The following GRK4 variants were observed in gnomAD, a reference collection of about 807,000 sequenced individuals.
The protein encoded by GRK4 is G protein-coupled receptor kinase 2-like.
A neutral mutation model predicts 77.9 loss-of-function variants in GRK4; 73 were observed. That is an observed-to-expected ratio of 0.94 (90% CI 0.78 to 1.14). The LOEUF is 1.14. Ranked by LOEUF, GRK4 falls within the 50% of genes most tolerant of loss-of-function variation. The probability of loss-of-function intolerance (pLI) is 0.00; values close to 1 mark genes in which losing one functional copy is unlikely to be tolerated. For synonymous variants in GRK4, 257 were observed against 254.4 expected (o/e 1.01, Z -0.10); for missense variants, 729 against 700.2 (o/e 1.04, Z -0.46).
chr4:3,019,853 G>A, intron 9 of GRK4, 22 bp downstream of exon 9: 1 of 1,588,790 alleles, frequency 6.3e-7, no homozygotes, highest in Non-Finnish European at 8.6e-7. Flanking sequence ...GCTACCTAAT[G>A]GAGCCTGCAA....
chr4:3,035,610 TG>T (rs34151041), intron 13 of GRK4, 87 bp downstream of exon 13: 5 of 1,432,100 alleles, frequency 3.5e-6, no homozygotes, highest in South Asian at 1.4e-5. Flanking sequence ...AAAATAGAGA[TG>T]GGGGGTCTCA....
chr4:3,030,638 C>CTCTA (rs1403638643), intron 12 of GRK4, among the ~76,000 whole-genome samples: 2 of 151,530 alleles, frequency 1.3e-5, no homozygotes, highest in Non-Finnish European at 2.9e-5. Flanking sequence ...GGGCGGCAGG[C>CTCTA]TCTAGGGGGT....
rs533646986 is a variant in GRK4, at chr4:3,001,263, A to ATGTG, written c.340-2964_340-2961dup. On this transcript the variant is annotated intron_variant, in intron 4 of 15. Coordinates refer to ENST00000398052, the MANE Select transcript of GRK4 (RefSeq NM_182982.3). Reference sequence around the variant, plus strand: ...TATATATATACATATATGTATATATATGTGTGTATGTATGTATGTATACAC... The same window carrying ATGTG: ...TATATATATACATATATGTATATATATGTGTGTGTGTATGTATGTATGTATACAC... 3.3e-3 allele frequency among the ~76,000 whole-genome samples: 313 copies of ATGTG among 95,034 alleles called. 30 individuals carry two copies. The highest frequency in any genetic ancestry group is 5.8e-3 in the African/African-American group (113 of 19,544). The allele number at this position is 95,034 out of a possible 152,430, so 62.3% of individuals were successfully genotyped here.
chr4:3,038,407 A>T lies in GRK4; in HGVS notation c.1577A>T (p.Asn526Ile). ...MIESGCFKDINKSESEEALPL... is the reference protein window; with the variant it reads ...MIESGCFKDIIKSESEEALPL... ...GAATCTGGGTGTTTCAAAGACATCA[A>T]CAAAAGTGAAAGTGAGGAAGCTTTG... Residue 526 changes from asparagine to isoleucine, a missense_variant, in exon 15 of 16, where the codon AAC becomes ATC. Coordinates refer to ENST00000398052, the MANE Select transcript of GRK4 (RefSeq NM_182982.3). The T allele has an allele frequency of 6.2e-7, 1 of 1,614,252 alleles. No individual in the cohort carries two copies. The highest frequency in any genetic ancestry group is 1.3e-5 in the African/African-American group (1 of 75,062).
At chr4:3,031,106 G>A (rs570365406) in intron 12 of GRK4, among the ~76,000 whole-genome samples, 18 of 152,250 alleles carry the variant, frequency 1.2e-4, no homozygotes, top group African/African-American at 4.1e-4. Context: ...TGGGCTGGAG[G>A]GAAGGGGGCA....
At chr4:3,019,094 G>A (rs1211859622) in intron 8 of GRK4, among the ~76,000 whole-genome samples, 1 of 151,986 alleles carries the variant, frequency 6.6e-6, no homozygotes, top group Admixed American at 6.6e-5. Context: ...AAATAGACTA[G>A]GCATTTCACA....
chr4:3,021,189 C>T (rs1021592265), intron 9 of GRK4, among the ~76,000 whole-genome samples: 5 of 152,132 alleles, frequency 3.3e-5, no homozygotes, highest in African/African-American at 9.7e-5. Context: ...CCTCATCATG[C>T]GAGGGTTTTA....
chr4:3,027,813 C>T, intron 10 of GRK4, 99 bp from the exon 11 acceptor site: 1 of 889,342 alleles, frequency 1.1e-6, no homozygotes, highest in Non-Finnish European at 1.8e-6. Context: ...CTATTATTTC[C>T]AGCCATGGTT....
intron 3 of GRK4, among the ~76,000 whole-genome samples, chr4:2,989,653 A>G (rs1373469085): frequency 6.6e-6 from 1 of 152,190 alleles, no homozygotes; most frequent in Non-Finnish European, 1.5e-5. Flanking sequence ...TCTGCACTCA[A>G]CTGGCCAATG....
intron 15 of GRK4, among the ~76,000 whole-genome samples, chr4:3,039,719 GA>G (rs898931654): frequency 6.9e-5 from 9 of 130,608 alleles, no homozygotes; most frequent in East Asian, 2.2e-4. Flanking sequence ...AAAAAAAAAG[GA>G]AAAAAAAATA....
At position 2,982,652 on chromosome 4, in the gene GRK4, TAAA is replaced by T. The variant is rs1475339003; in HGVS notation, c.53-1858_53-1856del. Among the ~76,000 whole-genome samples, 3 of 152,222 alleles carry T rather than the reference TAAA, an allele frequency of 2.0e-5. No homozygotes were observed. The East Asian group carries it at 5.8e-4, about 29-fold the overall frequency. ...CTCTGTACTCCTTTAAGAGGTCAGA[TAAA>T]AATGGCATATCCCAAAGAACAGTTC... On this transcript the variant is annotated intron_variant, in intron 1 of 15. Coordinates refer to ENST00000398052, the MANE Select transcript of GRK4 (RefSeq NM_182982.3).
chr4:3,015,835 A>G (rs1734295692), intron 8 of GRK4, among the ~76,000 whole-genome samples: 1 of 151,186 alleles, frequency 6.6e-6, no homozygotes, highest in Non-Finnish European at 1.5e-5. Flanking sequence ...GCACTTTGGG[A>G]GGCCAAGGTG....
intron 4 of GRK4, among the ~76,000 whole-genome samples, chr4:2,998,125 A>G (rs1728490346): frequency 6.6e-6 from 1 of 151,972 alleles, no homozygotes; most frequent in Admixed American, 6.6e-5. Context: ...GGGAGGCCAA[A>G]GCGCGTGGAT....
intron 12 of GRK4, among the ~76,000 whole-genome samples, chr4:3,031,256 G>A (rs1739088247): frequency 6.6e-6 from 1 of 152,182 alleles, no homozygotes. Flanking sequence ...GCAGGGCTGT[G>A]AACGGTCTCT....
intron 10 of GRK4, among the ~76,000 whole-genome samples, chr4:3,023,627 T>C (rs948606204): frequency 2.5e-4 from 38 of 152,226 alleles, no homozygotes; most frequent in Non-Finnish European, 5.1e-4. Flanking sequence ...ATCAGACTTG[T>C]CCAAGGTTGT....
intron 1 of GRK4, among the ~76,000 whole-genome samples, chr4:2,984,246 A>C (rs1036550846): frequency 2.0e-5 from 3 of 152,226 alleles, no homozygotes; most frequent in Non-Finnish European, 4.4e-5. Context: ...ACAATATGTC[A>C]TGTTAGATCT....
At chr4:3,021,038 G>T (rs1735937438) in intron 9 of GRK4, among the ~76,000 whole-genome samples, 1 of 152,112 alleles carries the variant, frequency 6.6e-6, no homozygotes, top group Admixed American at 6.6e-5. Context: ...CTTGGATTTT[G>T]ATATCCAAGG....
chr4:3,009,023 G>C (rs1475091572), intron 6 of GRK4, among the ~76,000 whole-genome samples: 2 of 152,234 alleles, frequency 1.3e-5, no homozygotes, highest in East Asian at 3.9e-4. Context: ...AGTATACCAG[G>C]AGTTATGAAC....
At chr4:3,019,552 C>A in intron 8 of GRK4, 89 bp from the exon 9 acceptor site, 1 of 1,082,268 alleles carries the variant, frequency 9.2e-7, no homozygotes, top group Non-Finnish European at 1.4e-6. Context: ...AAACCTAACA[C>A]AGATTATTTG....
Sources: allele counts gnomAD v4.1 joint callset (sites outside exome capture counted in the v4.1 genomes callset), GRCh38; gene constraint gnomAD v4.1.1; transcripts MANE v1.5; gene names NCBI Gene and HGNC (gene_info 2026-07-23, HGNC 2026-07-21).